The following FRMD4A variants were observed in gnomAD, a reference collection of about 807,000 sequenced individuals.
FRMD4A encodes FERM domain-containing protein 4A.
In FRMD4A, 29 loss-of-function variants were observed where a neutral mutation model predicts 129.1. The ratio of observed to expected loss-of-function variants is 0.22; its 90% CI spans 0.17 to 0.31. FRMD4A has a LOEUF of 0.31. FRMD4A is among the 10% of genes least tolerant of loss of function. The pLI is 1.00. For missense variants in FRMD4A, 1,272 were observed against 1,375.8 expected, an observed-to-expected ratio of 0.92 and a Z score of 1.19; for synonymous variants, 634 against 571.6, an observed-to-expected ratio of 1.11 and a Z score of -1.56.
chr10:14,176,538 A>C (rs1407421751), intron 2 of FRMD4A, among the ~76,000 whole-genome samples: 1 of 141,730 alleles, frequency 7.1e-6, no homozygotes, highest in African/African-American at 2.7e-5. Flanking sequence ...GCAATGGCGC[A>C]ATCTCAGCTC....
chr10:13,652,318 A>G (rs2081697170), intron 23 of FRMD4A: 1 of 339,678 alleles, frequency 2.9e-6, no homozygotes. Context: ...TTTCAAGACC[A>G]TCTTAAGTGC....
rs567000988 is a variant in FRMD4A at position 13,918,825 on chromosome 10, G to A, written c.46-59913C>T. ...TTACAGGCATGAGCCATCATGCCCC[G>A]CCAGTCAATACTGTTATAAAACAAA... On this transcript the variant is annotated intron_variant, in intron 2 of 24. Coordinates refer to ENST00000357447, the MANE Select transcript of FRMD4A (RefSeq NM_018027.5). Among the ~76,000 whole-genome samples, 10 of 151,194 alleles carry A rather than the reference G, an allele frequency of 6.6e-5. 1 individual carries two copies. The highest frequency in any genetic ancestry group is 1.3e-4 in the Admixed American group (2 of 15,192).
chr10:13,900,376 T>G (rs908930628), intron 2 of FRMD4A, among the ~76,000 whole-genome samples: 11 of 152,194 alleles, frequency 7.2e-5, no homozygotes, highest in Non-Finnish European at 1.5e-4. Flanking sequence ...AATCATGATT[T>G]AGACTGCAAC....
At chr10:13,962,533 T>C (rs1489137564) in intron 2 of FRMD4A, among the ~76,000 whole-genome samples, 1 of 152,112 alleles carries the variant, frequency 6.6e-6, no homozygotes, top group African/African-American at 2.4e-5. Flanking sequence ...TTTAGTGAAA[T>C]ATGCATTTTT....
chr10:13,858,988 C>G (rs1369424965), intron 2 of FRMD4A, 76 bp from the exon 3 acceptor site: 4 of 866,024 alleles, frequency 4.6e-6, no homozygotes, highest in Non-Finnish European at 6.0e-6. Flanking sequence ...CGACGCTGCA[C>G]TCTGCCAGGC....
At chr10:13,714,470 G>A (rs996828491) in intron 12 of FRMD4A, among the ~76,000 whole-genome samples, 4 of 151,750 alleles carry the variant, frequency 2.6e-5, no homozygotes, top group Admixed American at 1.3e-4. Flanking sequence ...AGAAGACAGA[G>A]GCAAGGCCCT....
chr10:14,035,317 C>T (rs898128706), intron 2 of FRMD4A, among the ~76,000 whole-genome samples: 2 of 151,406 alleles, frequency 1.3e-5, no homozygotes, highest in African/African-American at 2.4e-5. Context: ...GAGGCTGAGG[C>T]GGGAGGACTG....
intron 3 of FRMD4A, among the ~76,000 whole-genome samples, chr10:13,857,929 G>A (rs1250778081): frequency 6.6e-6 from 1 of 152,176 alleles, no homozygotes; most frequent in Non-Finnish European, 1.5e-5. Context: ...AAAGGTGAGG[G>A]TCTATGATTC....
chr10:14,025,784 G>C (rs1446904999), intron 2 of FRMD4A, among the ~76,000 whole-genome samples: 1 of 152,182 alleles, frequency 6.6e-6, no homozygotes, highest in Non-Finnish European at 1.5e-5. Context: ...ATCATATAGT[G>C]TTTGTCCTTT....
intron 2 of FRMD4A, among the ~76,000 whole-genome samples, chr10:14,199,939 C>T (rs989943757): frequency 6.7e-6 from 1 of 150,224 alleles, no homozygotes; most frequent in Non-Finnish European, 1.5e-5. Flanking sequence ...TTATGGGGCA[C>T]ATGTGATATT....
chr10:14,079,478 A>T (rs1835802684), intron 2 of FRMD4A, among the ~76,000 whole-genome samples: 1 of 152,268 alleles, frequency 6.6e-6, no homozygotes, highest in Non-Finnish European at 1.5e-5. Flanking sequence ...TATTTTCATT[A>T]ATTAAAATTA....
At chr10:13,663,828 A>G (rs2082818926) in intron 18 of FRMD4A, among the ~76,000 whole-genome samples, 1 of 152,168 alleles carries the variant, frequency 6.6e-6, no homozygotes, top group Non-Finnish European at 1.5e-5. Context: ...TGATTAAACC[A>G]CATCATTGTC....
At chr10:13,946,332 C>A (rs1391656893) in intron 2 of FRMD4A, among the ~76,000 whole-genome samples, 1 of 152,226 alleles carries the variant, frequency 6.6e-6, no homozygotes, top group Non-Finnish European at 1.5e-5. Context: ...TACTCAGAAT[C>A]CCTGTCCCTA....
At chr10:13,912,512 A>G (rs997081309) in intron 2 of FRMD4A, among the ~76,000 whole-genome samples, 3 of 143,524 alleles carry the variant, frequency 2.1e-5, no homozygotes, top group Admixed American at 7.7e-5. Flanking sequence ...ATGTATCCAC[A>G]TAATAGAATT....
chr10:13,652,200 C>A (rs1051428283), intron 23 of FRMD4A: 1 of 580,208 alleles, frequency 1.7e-6, no homozygotes, highest in Non-Finnish European at 3.1e-6. Context: ...TTACCCATGG[C>A]CTCATTTTGT....
At chr10:14,021,392 A>C (rs1293169745) in intron 2 of FRMD4A, among the ~76,000 whole-genome samples, 1 of 151,176 alleles carries the variant, frequency 6.6e-6, no homozygotes, top group Non-Finnish European at 1.5e-5. Flanking sequence ...AATAAAAAAA[A>C]AAAATAATAA....
chr10:14,131,551 A>G (rs1839261379), intron 2 of FRMD4A, among the ~76,000 whole-genome samples: 1 of 152,198 alleles, frequency 6.6e-6, no homozygotes, highest in African/African-American at 2.4e-5. Flanking sequence ...TAACTTAGTT[A>G]AGTGCCTGTG....
At chr10:13,972,296 TTACAACTTG>T in intron 2 of FRMD4A, 1 of 987,534 alleles carries the variant, frequency 1.0e-6, no homozygotes, top group Non-Finnish European at 1.2e-6. Flanking sequence ...TCTTAACTCT[TTACAACTTG>T]GAGAACCCAT....
At chr10:14,294,974 C>CT (rs986935421) in intron 2 of FRMD4A, among the ~76,000 whole-genome samples, 17 of 151,994 alleles carry the variant, frequency 1.1e-4, no homozygotes, top group African/African-American at 3.9e-4. Flanking sequence ...GGATTCCCTG[C>CT]TTTTTTTTAA....
Sources: allele counts gnomAD v4.1 joint callset (sites outside exome capture counted in the v4.1 genomes callset), GRCh38; gene constraint gnomAD v4.1.1; transcripts MANE v1.5; gene names NCBI Gene and HGNC (gene_info 2026-07-23, HGNC 2026-07-21).